Variants in PDE8B observed in about 807,000 individuals in gnomAD.
PDE8B encodes the protein high affinity cAMP-specific and IBMX-insensitive 3',5'-cyclic phosphodiesterase 8B.
PDE8B carries 26 observed loss-of-function variants against 101.3 expected under a neutral mutation model. That is an observed-to-expected ratio of 0.26 (90% CI 0.19 to 0.36). PDE8B has a LOEUF of 0.36. Among genes scored for constraint, PDE8B ranks in the 10% least tolerant of loss-of-function variants. PDE8B has a pLI of 1.00. For missense variants in PDE8B, 810 were observed against 1,163.1 expected (o/e 0.70, Z 4.42); for synonymous variants, 424 against 429.3 (o/e 0.99, Z 0.15).
chr5:77,094,429 C>T, the PDE8B span, among the ~76,000 whole-genome samples: 1 of 152,132 alleles, frequency 6.6e-6, no homozygotes, highest in Non-Finnish European at 1.5e-5. Flanking sequence ...CCCACTTCAG[C>T]CTCCCAAGTA....
At chr5:77,251,628 C>T (rs1407726783) in intron 1 of PDE8B, among the ~76,000 whole-genome samples, 1 of 152,158 alleles carries the variant, frequency 6.6e-6, no homozygotes, top group Non-Finnish European at 1.5e-5. Context: ...ATTTTCTCCC[C>T]CTTCTCCCTC....
At chr5:77,413,638 G>A (rs1012788121) in intron 17 of PDE8B, among the ~76,000 whole-genome samples, 2 of 152,040 alleles carry the variant, frequency 1.3e-5, no homozygotes, top group Non-Finnish European at 2.9e-5. Context: ...ACAGCAAATG[G>A]TTACTAGATC....
At chr5:77,346,154 T>C (rs1281714201) in intron 7 of PDE8B, among the ~76,000 whole-genome samples, 1 of 152,210 alleles carries the variant, frequency 6.6e-6, no homozygotes, top group African/African-American at 2.4e-5. Flanking sequence ...CTACCTGGTT[T>C]CCTGTTTAGC....
the PDE8B span, among the ~76,000 whole-genome samples, chr5:77,163,972 G>A: frequency 6.6e-6 from 1 of 152,176 alleles, no homozygotes; most frequent in Non-Finnish European, 1.5e-5. Context: ...GGACACTGAA[G>A]GCCAACCTCT....
At chr5:77,204,410 CAAAAAA>C in the PDE8B span, among the ~76,000 whole-genome samples, 2 of 106,146 alleles carry the variant, frequency 1.9e-5, no homozygotes, top group African/African-American at 3.2e-5. Context: ...GACTCTGTCT[CAAAAAA>C]AAAAAAAAAA....
the PDE8B span, among the ~76,000 whole-genome samples, chr5:77,172,387 A>G: frequency 6.6e-6 from 1 of 152,252 alleles, no homozygotes; most frequent in Non-Finnish European, 1.5e-5. Context: ...AAGTTGGGGT[A>G]AGGAGCTAAC....
chr5:77,118,050 A>G, the PDE8B span, among the ~76,000 whole-genome samples: 1 of 151,938 alleles, frequency 6.6e-6, no homozygotes, highest in Non-Finnish European at 1.5e-5. Flanking sequence ...TTCTTCTGCC[A>G]CAGCCTCCTG....
chr5:77,145,086 A>C, the PDE8B span: 1 of 151,928 alleles, frequency 6.6e-6, no homozygotes, highest in South Asian at 2.1e-4. Flanking sequence ...AATATATGTA[A>C]TATATAGTGT....
the PDE8B span, chr5:77,088,005 C>T: frequency 1.3e-5 from 2 of 152,276 alleles, no homozygotes. Flanking sequence ...AACTTGCTGT[C>T]AGTGGGTGGG....
At chr5:77,086,903 C>G in the PDE8B span, 1 of 152,340 alleles carries the variant, frequency 6.6e-6, no homozygotes, top group East Asian at 1.9e-4. Flanking sequence ...CACTGGAAGA[C>G]GGTGAGCGGG....
At chr5:77,345,015 ATCATCC>A in intron 7 of PDE8B, 84 bp downstream of exon 7, 1 of 864,556 alleles carries the variant, frequency 1.2e-6, no homozygotes, top group Non-Finnish European at 2.0e-6. Flanking sequence ...GTACTTTCCC[ATCATCC>A]TCATGTATCA....
intron 10 of PDE8B, among the ~76,000 whole-genome samples, chr5:77,383,738 ATCT>A (rs1197570285): frequency 4.6e-5 from 7 of 152,204 alleles, no homozygotes; most frequent in Non-Finnish European, 7.3e-5. Context: ...TAAATAGGAA[ATCT>A]TCTCCCCATT....
chr5:77,226,133 G>A (rs1477508166), intron 1 of PDE8B, among the ~76,000 whole-genome samples: 1 of 151,930 alleles, frequency 6.6e-6, no homozygotes, highest in Non-Finnish European at 1.5e-5. Context: ...TTTTGATTTG[G>A]TCTTCTTTAA....
chr5:77,287,883 T>G (rs1766379932), intron 1 of PDE8B, among the ~76,000 whole-genome samples: 1 of 152,232 alleles, frequency 6.6e-6, no homozygotes, highest in South Asian at 2.1e-4. Flanking sequence ...TATTTTCAAG[T>G]CTGTGTGTGT....
At chr5:77,378,549 C>T (rs1433540709) in intron 10 of PDE8B, among the ~76,000 whole-genome samples, 1 of 148,474 alleles carries the variant, frequency 6.7e-6, no homozygotes, top group East Asian at 2.1e-4. Context: ...GTTTCTCAAA[C>T]TGTAGTGTGT....
At chr5:77,205,340 C>T in the PDE8B span, among the ~76,000 whole-genome samples, 1 of 152,218 alleles carries the variant, frequency 6.6e-6, no homozygotes, top group Non-Finnish European at 1.5e-5. Flanking sequence ...TAAAATACAA[C>T]TTATTTTTAC....
At chr5:77,183,166 C>A in the PDE8B span, among the ~76,000 whole-genome samples, 1 of 151,664 alleles carries the variant, frequency 6.6e-6, no homozygotes, top group Non-Finnish European at 1.5e-5. Flanking sequence ...GTTGTCCAGG[C>A]TGTAGTACAG....
chr5:77,139,026 A>T, the PDE8B span, among the ~76,000 whole-genome samples: 119 of 152,208 alleles, frequency 7.8e-4, no homozygotes, highest in South Asian at 0.02. Flanking sequence ...AATTAAAATG[A>T]CTCCCACGGC....
At chr5:77,224,754 T>TTGTC (rs1751950035) in intron 1 of PDE8B, among the ~76,000 whole-genome samples, 1 of 152,238 alleles carries the variant, frequency 6.6e-6, no homozygotes, top group Non-Finnish European at 1.5e-5. Context: ...CTTAAGGATC[T>TTGTC]TGTCATCTGT....
Sources: allele counts gnomAD v4.1 joint callset (sites outside exome capture counted in the v4.1 genomes callset), GRCh38; gene constraint gnomAD v4.1.1; transcripts MANE v1.5; gene names NCBI Gene and HGNC (gene_info 2026-07-23, HGNC 2026-07-21).